Variants in IP6K3 observed in about 807,000 individuals in gnomAD.
The protein encoded by IP6K3 is ATP:1D-myo-inositol-hexakisphosphate phosphotransferase.
IP6K3 carries 20 observed loss-of-function variants against 28.8 expected under a neutral mutation model. The ratio of observed to expected loss-of-function variants is 0.70; its 90% CI spans 0.49 to 1.01. The LOEUF (loss-of-function observed/expected upper bound fraction) is 1.01, where lower values mean the gene tolerates loss of function less well. IP6K3 is among the 50% of genes least tolerant of loss of function. IP6K3 has a pLI of 0.00. For synonymous variants in IP6K3, 213 were observed against 221.3 expected (o/e 0.96, Z 0.33); for missense variants, 480 against 537.1 (o/e 0.89, Z 1.05).
the IP6K3 span, among the ~76,000 whole-genome samples, chr6:33,760,614 G>T: frequency 6.6e-6 from 1 of 152,198 alleles, no homozygotes; most frequent in African/African-American, 2.4e-5. Flanking sequence ...TGCAACCTCT[G>T]CCTTCTGGGT....
At chr6:33,750,503 G>A (rs1037118185), upstream of IP6K3, among the ~76,000 whole-genome samples, 14 of 152,020 alleles carry the variant, frequency 9.2e-5, no homozygotes, top group African/African-American at 3.1e-4. This position sits in a 1 kb window ranked among gnomAD's most constrained non-coding sequence, Gnocchi z 4.3. Flanking sequence ...CCACCACCTC[G>A]TCCCTTTTTT....
chr6:33,735,272 A>T lies in IP6K3; in HGVS notation c.199+6T>A. On this transcript the variant is annotated splice_donor_region_variant and intron_variant, in intron 2 of 5. Transcript: ENST00000293756. ...CCAGACGTGGCCTGGCTGCCTAGAC[A>T]CTCACCTTTGTACTGTGGGGTGAAC... 1 of 1,611,674 alleles carries T rather than the reference A, an allele frequency of 6.2e-7. No homozygotes were observed. Among genetic ancestry groups the T allele is most frequent in the Middle Eastern group, 1.7e-4 (1 of 6,060 alleles).
upstream of IP6K3, among the ~76,000 whole-genome samples, chr6:33,748,110 T>C (rs1044565513): frequency 6.6e-6 from 1 of 152,066 alleles, no homozygotes; most frequent in Non-Finnish European, 1.5e-5. Flanking sequence ...GGCTGCTCCA[T>C]ATGTGGATGA....
At chr6:33,729,597 C>T (rs1240566533) in intron 2 of IP6K3, among the ~76,000 whole-genome samples, 1 of 152,236 alleles carries the variant, frequency 6.6e-6, no homozygotes, top group Non-Finnish European at 1.5e-5. Context: ...CTCTGTGGCC[C>T]TCCTGGCCTG....
chr6:33,729,914 A>G (rs1478601885), intron 2 of IP6K3, among the ~76,000 whole-genome samples: 1 of 152,050 alleles, frequency 6.6e-6, no homozygotes, highest in East Asian at 1.9e-4. Context: ...GGGTTTCATC[A>G]TCTTGGCTAG....
rs1453939970 is a variant in IP6K3, at chr6:33,723,196, A to T, written c.766-9T>A. The T allele has an allele frequency of 6.6e-7, 1 of 1,517,232 alleles. No homozygotes were observed. Among genetic ancestry groups the T allele is most frequent in the East Asian group, 2.3e-5 (1 of 43,984 alleles). 94.0% of individuals were successfully genotyped at this position (1,517,232 alleles called of 1,614,324 possible). ...TTATCTGTTTGATAAACCTTACATT[A>T]AAAAGAATAAAGAAAATGTGAAGAT... On this transcript the variant is annotated splice_polypyrimidine_tract_variant and intron_variant, in intron 5 of 5. Transcript: ENST00000293756.
chr6:33,753,017 C>T, the IP6K3 span, among the ~76,000 whole-genome samples: 4 of 152,266 alleles, frequency 2.6e-5, no homozygotes, highest in Non-Finnish European at 5.9e-5. Flanking sequence ...AGTCATGGCT[C>T]ACTGCAGGGC....
At chr6:33,748,404 T>G (rs1766968843), upstream of IP6K3, among the ~76,000 whole-genome samples, 1 of 151,928 alleles carries the variant, frequency 6.6e-6, no homozygotes, top group Non-Finnish European at 1.5e-5. Flanking sequence ...CATTGTCCAT[T>G]CAGTGCCCTC....
chr6:33,760,898 G>A, the IP6K3 span, among the ~76,000 whole-genome samples: 1 of 151,974 alleles, frequency 6.6e-6, no homozygotes, highest in African/African-American at 2.4e-5. Flanking sequence ...GGGAGCCCCC[G>A]CCTGCTCTCT....
At chr6:33,759,305 C>G in the IP6K3 span, among the ~76,000 whole-genome samples, 1 of 152,130 alleles carries the variant, frequency 6.6e-6, no homozygotes. Flanking sequence ...GAGACAGAGT[C>G]TCGCTCTGTC....
At chr6:33,734,353 A>G (rs1766432799) in intron 2 of IP6K3, among the ~76,000 whole-genome samples, 1 of 152,160 alleles carries the variant, frequency 6.6e-6, no homozygotes, top group Non-Finnish European at 1.5e-5. Context: ...TTCCCAGGCC[A>G]GATTGCACTT....
chr6:33,735,267 T>C lies in IP6K3; in HGVS notation c.199+11A>G, dbSNP rs1449936013. On this transcript the variant is annotated intron_variant, in intron 2 of 5. Coordinates refer to ENST00000293756, the MANE Select transcript of IP6K3 (RefSeq NM_054111.5). ...AGCACCCAGACGTGGCCTGGCTGCC[T>C]AGACACTCACCTTTGTACTGTGGGG... The C allele has an allele frequency of 1.2e-6, 2 of 1,611,194 alleles. No homozygotes were observed. The highest frequency in any genetic ancestry group is 2.7e-5 in the African/African-American group (2 of 75,004).
chr6:33,747,806 T>C (rs1462509537), upstream of IP6K3, among the ~76,000 whole-genome samples: 1 of 151,688 alleles, frequency 6.6e-6, no homozygotes, highest in Non-Finnish European at 1.5e-5. The surrounding 1 kb of genome is among the most constrained non-coding windows in gnomAD (Gnocchi z 5.2). Flanking sequence ...CCAGGAAGAG[T>C]CGGCTCAGGC....
At chr6:33,757,680 A>G in the IP6K3 span, among the ~76,000 whole-genome samples, 1 of 152,226 alleles carries the variant, frequency 6.6e-6, no homozygotes, top group Non-Finnish European at 1.5e-5. Context: ...ACCGTGAACT[A>G]AGTACTATAT....
chr6:33,753,985 T>C, the IP6K3 span, among the ~76,000 whole-genome samples: 1 of 152,114 alleles, frequency 6.6e-6, no homozygotes, highest in South Asian at 2.1e-4. Context: ...ATTTTTTGTA[T>C]TTTTTAGTAG....
intron 2 of IP6K3, 60 bp from the exon 3 acceptor site, chr6:33,728,360 T>C: frequency 2.0e-6 from 3 of 1,485,246 alleles, no homozygotes; most frequent in Non-Finnish European, 2.8e-6. Context: ...CACACGGACA[T>C]GCAGGAGTGA....
the IP6K3 span, among the ~76,000 whole-genome samples, chr6:33,752,242 C>G: frequency 9.2e-5 from 14 of 152,358 alleles, no homozygotes; most frequent in African/African-American, 3.1e-4. Flanking sequence ...TTTACAAGGC[C>G]TTCACGGTGG....
chr6:33,737,383 C>T lies in IP6K3; in HGVS notation c.-179-1728G>A, dbSNP rs902708448. On this transcript the variant is annotated intron_variant, in intron 1 of 5. Coordinates refer to ENST00000293756, the MANE Select transcript of IP6K3 (RefSeq NM_054111.5). ...CACATTCCCACAGTGGTGCCTGTCA[C>T]CACCGAGTTATTAATACTCGCTCCC... 5.9e-5 allele frequency among the ~76,000 whole-genome samples: 9 copies of T among 152,322 alleles called. 1 individual carries two copies. In the East Asian group the frequency reaches 1.7e-3, roughly 29 times the overall value.
intron 5 of IP6K3, among the ~76,000 whole-genome samples, chr6:33,723,843 A>T (rs1391924639): frequency 6.6e-6 from 1 of 152,194 alleles, no homozygotes; most frequent in Admixed American, 6.5e-5. Flanking sequence ...CCTTGGCACC[A>T]TCTCTCCTCC....
Sources: allele counts gnomAD v4.1 joint callset (sites outside exome capture counted in the v4.1 genomes callset), GRCh38; gene constraint gnomAD v4.1.1; non-coding constraint Gnocchi (gnomAD v3.1); transcripts MANE v1.5; gene names NCBI Gene and HGNC (gene_info 2026-07-23, HGNC 2026-07-21).